NPSR1: variants seen among roughly 807,000 people sequenced by gnomAD.
NPSR1 encodes neuropeptide S receptor 1, also known as neuropeptide S receptor.
In NPSR1, 48 loss-of-function variants were observed where a neutral mutation model predicts 46.9. The observed-to-expected ratio is 1.02, with a 90% CI of 0.81 to 1.30. The LOEUF is 1.30. Among genes scored for constraint, NPSR1 ranks in the 50% most tolerant of loss-of-function variants. NPSR1 has a pLI of 0.00. For synonymous variants in NPSR1, 176 were observed against 168.1 expected (o/e 1.05, Z -0.36); for missense variants, 450 against 449.5 (o/e 1.00, Z -0.01).
chr7:34,861,261 T>C (rs1234372593), intron 8 of NPSR1, among the ~76,000 whole-genome samples: 1 of 151,930 alleles, frequency 6.6e-6, no homozygotes, highest in Non-Finnish European at 1.5e-5. Context: ...CAAACAGCAC[T>C]CGTGTTTGTC....
intron 2 of NPSR1, chr7:34,711,460 G>T (rs924069918): frequency 6.6e-6 from 1 of 152,082 alleles, no homozygotes; most frequent in Non-Finnish European, 1.5e-5. Context: ...CAGATTAATG[G>T]GCTCATTAGA....
intron 2 of NPSR1, among the ~76,000 whole-genome samples, chr7:34,730,952 T>G (rs1038889169): frequency 1.3e-5 from 2 of 152,132 alleles, no homozygotes; most frequent in Non-Finnish European, 2.9e-5. Context: ...GAGAATATAG[T>G]AAAATAGGTT....
rs534872054 is a variant in NPSR1 at position 34,856,163 on chromosome 7, G to GA, written c.1025+7509dup. ...AATCCTAGTCAATGTAGTAAAACAAGAAAAAAAAATAAGATAAAAGGTATA... is the reference window on the plus strand; with the variant it reads ...AATCCTAGTCAATGTAGTAAAACAAGAAAAAAAAAATAAGATAAAAGGTATA... On this transcript the variant is annotated intron_variant, in intron 8 of 8. Transcript: ENST00000359791. Among the ~76,000 whole-genome samples the GA allele has an allele frequency of 2.2e-3, 307 of 141,692 alleles. 3 individuals are homozygous for GA. The highest frequency in any genetic ancestry group is 3.7e-3 in the Non-Finnish European group (245 of 65,372). 93.0% of individuals were successfully genotyped at this position (141,692 alleles called of 152,430 possible). A position where few individuals can be genotyped will look rare whatever the true frequency, so the allele number is the denominator to read the frequency against.
chr7:34,696,945 T>C (rs117836815), intron 2 of NPSR1, among the ~76,000 whole-genome samples: 1,662 of 152,134 alleles, frequency 0.011, 18 homozygotes, highest in Non-Finnish European at 0.018. Context: ...AAAATATTTA[T>C]GCTAGCTCAT....
intron 2 of NPSR1, among the ~76,000 whole-genome samples, chr7:34,777,073 A>G (rs1786996937): frequency 6.6e-6 from 1 of 152,084 alleles, no homozygotes. Flanking sequence ...TCCCTTAGCC[A>G]CCCAAGCTGG....
intron 2 of NPSR1, among the ~76,000 whole-genome samples, chr7:34,716,494 G>A (rs947969835): frequency 2.6e-4 from 39 of 152,208 alleles, no homozygotes; most frequent in Middle Eastern, 3.4e-3. Flanking sequence ...GATCTTGCAA[G>A]TTAATTGCTT....
intron 1 of NPSR1, among the ~76,000 whole-genome samples, chr7:34,678,817 C>T (rs55984267): frequency 0.17 from 24,593 of 147,574 alleles, 3,082 homozygotes; most frequent in African/African-American, 0.35. Flanking sequence ...CAGAACTAGA[C>T]TCTGTCTCAA....
intron 1 of NPSR1, among the ~76,000 whole-genome samples, chr7:34,664,562 T>C (rs1411966006): frequency 2.0e-5 from 3 of 151,954 alleles, no homozygotes; most frequent in Admixed American, 6.6e-5. Context: ...AGCTTCGATA[T>C]GCAGGTGGTC....
At chr7:34,716,272 C>T (rs1030545199) in intron 2 of NPSR1, among the ~76,000 whole-genome samples, 3 of 152,130 alleles carry the variant, frequency 2.0e-5, no homozygotes, top group African/African-American at 7.2e-5. Context: ...AATGGACAGA[C>T]ATATAATTAC....
chr7:34,872,794 T>C (rs1791489511), intron 8 of NPSR1, among the ~76,000 whole-genome samples: 2 of 151,758 alleles, frequency 1.3e-5, no homozygotes, highest in Non-Finnish European at 2.9e-5. Flanking sequence ...GATTCAATTA[T>C]CTCACACTAG....
chr7:34,765,808 C>T lies in NPSR1; in HGVS notation c.281-12654C>T, dbSNP rs557729907. Among the ~76,000 whole-genome samples, 13 of 152,256 alleles carry T rather than the reference C, an allele frequency of 8.5e-5. No homozygotes were observed. In the South Asian group the frequency reaches 2.1e-3, roughly 24 times the overall value. On this transcript the variant is annotated intron_variant, in intron 2 of 8. Transcript: ENST00000360581. Reference sequence around the variant, plus strand: ...AGTGAATTAATGCAGAAACAGAAAACCAAATGCCACATGTTCTCATTTATA... The same window carrying T: ...AGTGAATTAATGCAGAAACAGAAAATCAAATGCCACATGTTCTCATTTATA...
Position 34,752,242 on chromosome 7 carries a change from C to T in NPSR1, c.281-26220C>T, listed in dbSNP as rs1785577441. 2.0e-5 allele frequency among the ~76,000 whole-genome samples: 3 copies of T among 152,132 alleles called. No homozygotes were observed. The South Asian group carries it at 6.2e-4, about 32-fold the overall frequency. On this transcript the variant is annotated intron_variant, in intron 2 of 8. Transcript: ENST00000360581. ...ATAACCAAGGTCTGAGTCCTAAATA[C>T]CTTCCTCTGGAGCCTCAGTAAATTT...
chr7:34,748,809 G>A (rs1474721026), intron 2 of NPSR1, among the ~76,000 whole-genome samples: 1 of 152,050 alleles, frequency 6.6e-6, no homozygotes, highest in Non-Finnish European at 1.5e-5. Context: ...GGGCATATTT[G>A]TCAATCACAA....
intron 2 of NPSR1, among the ~76,000 whole-genome samples, chr7:34,760,884 T>G (rs753343078): frequency 1.3e-5 from 2 of 152,140 alleles, no homozygotes; most frequent in Non-Finnish European, 2.9e-5. Flanking sequence ...CTTAGACCTC[T>G]AAGAGGAGCC....
chr7:34,762,463 A>G (rs1446209536), intron 2 of NPSR1, among the ~76,000 whole-genome samples: 1 of 152,180 alleles, frequency 6.6e-6, no homozygotes, highest in Non-Finnish European at 1.5e-5. Flanking sequence ...AGGTTGGGCC[A>G]TTCAGTTTTA....
At chr7:34,856,172 AT>A (rs1297180413) in intron 8 of NPSR1, among the ~76,000 whole-genome samples, 7 of 148,642 alleles carry the variant, frequency 4.7e-5, no homozygotes, top group African/African-American at 1.8e-4. Context: ...AGAAAAAAAA[AT>A]AAGATAAAAG....
At chr7:34,836,657 CAG>C (rs1187015661) in intron 6 of NPSR1, among the ~76,000 whole-genome samples, 9 of 122,708 alleles carry the variant, frequency 7.3e-5, no homozygotes, top group African/African-American at 2.8e-4. Context: ...GAAAGAAAGA[CAG>C]AAAGAAGAAA....
At chr7:34,727,501 G>A (rs1468082679) in intron 2 of NPSR1, among the ~76,000 whole-genome samples, 1 of 152,218 alleles carries the variant, frequency 6.6e-6, no homozygotes. Flanking sequence ...TATGTACAAT[G>A]TGTGTATAGC....
chr7:34,868,236 A>C (rs1228804625), intron 8 of NPSR1, among the ~76,000 whole-genome samples: 1 of 151,616 alleles, frequency 6.6e-6, no homozygotes, highest in African/African-American at 2.4e-5. Flanking sequence ...GAAGGGTCTA[A>C]AACCTCTGCT....
Sources: allele counts gnomAD v4.1 joint callset (sites outside exome capture counted in the v4.1 genomes callset), GRCh38; gene constraint gnomAD v4.1.1; transcripts MANE v1.5; gene names NCBI Gene and HGNC (gene_info 2026-07-23, HGNC 2026-07-21).